Variants in CAMKMT observed in about 807,000 individuals in gnomAD.
CAMKMT encodes the protein calmodulin-lysine N-methyltransferase, also known as CaM KMT.
A neutral mutation model predicts 48.0 loss-of-function variants in CAMKMT; 53 were observed. That is an observed-to-expected ratio of 1.10 (90% confidence interval 0.89 to 1.39). CAMKMT has a LOEUF of 1.39. Among genes scored for constraint, CAMKMT ranks in the 40% most tolerant of loss-of-function variants. The probability of loss-of-function intolerance (pLI) is 0.00; values close to 1 mark genes in which losing one functional copy is unlikely to be tolerated. For missense variants in CAMKMT, 428 were observed against 402.7 expected (o/e 1.06, Z -0.54); for synonymous variants, 165 against 152.3 (o/e 1.08, Z -0.61).
intron 2 of CAMKMT, among the ~76,000 whole-genome samples, chr2:44,377,041 CTG>C (rs980001295): frequency 3.9e-5 from 6 of 152,112 alleles, no homozygotes; most frequent in African/African-American, 1.4e-4. Flanking sequence ...CGGTCTCACT[CTG>C]TTGCCCAGGC....
intron 3 of CAMKMT, among the ~76,000 whole-genome samples, chr2:44,597,702 G>A (rs542284584): frequency 6.6e-6 from 1 of 152,210 alleles, no homozygotes; most frequent in Admixed American, 6.5e-5. Context: ...TTGTGGTATA[G>A]TAACATATAT....
At chr2:44,672,356 C>T (rs530212622) in intron 3 of CAMKMT, among the ~76,000 whole-genome samples, 30 of 152,240 alleles carry the variant, frequency 2.0e-4, no homozygotes, top group Non-Finnish European at 3.8e-4. Flanking sequence ...TTTACAATTT[C>T]AATTTGAAAT....
chr2:44,553,972 A>G (rs1667864928), intron 3 of CAMKMT, among the ~76,000 whole-genome samples: 1 of 152,216 alleles, frequency 6.6e-6, no homozygotes, highest in South Asian at 2.1e-4. Context: ...GGTTGTAGGC[A>G]TTAATATAAT....
intron 3 of CAMKMT, among the ~76,000 whole-genome samples, chr2:44,411,608 T>A (rs1352942924): frequency 6.6e-6 from 1 of 152,150 alleles, no homozygotes; most frequent in Non-Finnish European, 1.5e-5. Context: ...AGTACCAGAC[T>A]TTTTTTCATA....
chr2:44,721,341 G>C (rs1448472874), intron 7 of CAMKMT, among the ~76,000 whole-genome samples: 1 of 152,062 alleles, frequency 6.6e-6, no homozygotes, highest in Non-Finnish European at 1.5e-5. Flanking sequence ...AACTTTAGCA[G>C]ATATCTTTTC....
chr2:44,362,999 G>A (rs1165729003), intron 1 of CAMKMT, among the ~76,000 whole-genome samples: 1 of 152,210 alleles, frequency 6.6e-6, no homozygotes, highest in African/African-American at 2.4e-5. Flanking sequence ...ATTTCTGACA[G>A]TTGTGTTTGG....
chr2:44,603,925 G>C (rs985942356), intron 3 of CAMKMT, among the ~76,000 whole-genome samples: 1 of 152,180 alleles, frequency 6.6e-6, no homozygotes, highest in African/African-American at 2.4e-5. Context: ...ATCTAGTTGT[G>C]TAGATAACAC....
chr2:44,445,202 C>G (rs1432483447), intron 3 of CAMKMT, among the ~76,000 whole-genome samples: 2 of 152,178 alleles, frequency 1.3e-5, no homozygotes, highest in Non-Finnish European at 2.9e-5. Flanking sequence ...TTCCTATTCT[C>G]TAGGCCCTCC....
intron 3 of CAMKMT, among the ~76,000 whole-genome samples, chr2:44,696,587 C>G (rs1676968662): frequency 6.6e-6 from 1 of 151,908 alleles, no homozygotes. Flanking sequence ...TGGGAGACAC[C>G]AGGTACAGTT....
At chr2:44,397,129 C>T (rs1275451867) in intron 3 of CAMKMT, among the ~76,000 whole-genome samples, 1 of 151,668 alleles carries the variant, frequency 6.6e-6, no homozygotes, top group Non-Finnish European at 1.5e-5. Flanking sequence ...AAGGAGCTCA[C>T]AGCATGTTAG....
chr2:44,687,863 C>T (rs916275957), intron 3 of CAMKMT, among the ~76,000 whole-genome samples: 1 of 152,178 alleles, frequency 6.6e-6, no homozygotes, highest in Non-Finnish European at 1.5e-5. Context: ...TTTTATTAAC[C>T]GAGTGTTCAT....
At chr2:44,572,227 T>C (rs534629850) in intron 3 of CAMKMT, among the ~76,000 whole-genome samples, 41 of 152,292 alleles carry the variant, frequency 2.7e-4, no homozygotes, top group African/African-American at 9.6e-4. Context: ...TTAATTCTTT[T>C]GTAGAGACAG....
At position 44,564,558 on chromosome 2, in the gene CAMKMT, T is replaced by G. The variant is rs191486854; in HGVS notation, c.377-139725T>G. ...CACATTTTGTTTGTTTGTTTGTTTG[T>G]TTTTAGGCAGAGTTTTGCTCTTGTC... is the stretch of plus-strand genomic sequence containing the variant. On this transcript the variant is annotated intron_variant, in intron 3 of 10. Coordinates refer to ENST00000378494, the MANE Select transcript of CAMKMT (RefSeq NM_024766.5). Among the ~76,000 whole-genome samples, 71 of 152,158 alleles carry G rather than the reference T, an allele frequency of 4.7e-4. 1 individual carries two copies. The highest frequency in any genetic ancestry group is 2.7e-3 in the Admixed American group (42 of 15,278).
intron 3 of CAMKMT, among the ~76,000 whole-genome samples, chr2:44,442,742 T>A (rs1666747752): frequency 6.6e-6 from 1 of 152,212 alleles, no homozygotes; most frequent in South Asian, 2.1e-4. Context: ...AGTACTTAGT[T>A]CATCCTGCTG....
chr2:44,564,883 A>C (rs1572812539), intron 3 of CAMKMT, among the ~76,000 whole-genome samples: 1 of 152,170 alleles, frequency 6.6e-6, no homozygotes, highest in Non-Finnish European at 1.5e-5. Flanking sequence ...TGGTAGTGTC[A>C]TTACATATAT....
chr2:44,710,715 A>G (rs1677834633), intron 6 of CAMKMT, among the ~76,000 whole-genome samples: 1 of 152,172 alleles, frequency 6.6e-6, no homozygotes, highest in Non-Finnish European at 1.5e-5. Context: ...TGTGATAACA[A>G]TGACCTAGGA....
At chr2:44,526,876 T>G (rs996683024) in intron 3 of CAMKMT, among the ~76,000 whole-genome samples, 1 of 152,116 alleles carries the variant, frequency 6.6e-6, no homozygotes, top group Non-Finnish European at 1.5e-5. Context: ...AGGACTTCAG[T>G]AAGATATAGT....
chr2:44,488,485 CAA>C (rs1669318526), intron 3 of CAMKMT, among the ~76,000 whole-genome samples: 1 of 152,088 alleles, frequency 6.6e-6, no homozygotes, highest in African/African-American at 2.4e-5. Context: ...GCCTGAGTAA[CAA>C]GAGCAAAACT....
chr2:44,659,028 G>T (rs1674527213), intron 3 of CAMKMT, among the ~76,000 whole-genome samples: 1 of 148,374 alleles, frequency 6.7e-6, no homozygotes, highest in South Asian at 2.1e-4. Context: ...GTTGGTCCTA[G>T]TGATCCTGTG....
Sources: gnomAD v4.1 joint callset for allele counts (sites outside exome capture counted in the v4.1 genomes callset) on GRCh38, gnomAD v4.1.1 for gene constraint, MANE v1.5 for transcripts, NCBI Gene and HGNC (gene_info 2026-07-23, HGNC 2026-07-21) for gene names.